Variants in ESR1 observed in about 807,000 individuals in gnomAD.
ESR1 encodes the protein estrogen receptor.
A neutral mutation model predicts 52.7 loss-of-function variants in ESR1; 12 were observed. That is an observed-to-expected ratio of 0.23 (90% CI 0.15 to 0.37). The LOEUF (loss-of-function observed/expected upper bound fraction) is 0.37, where lower values mean the gene tolerates loss of function less well. Among genes scored for constraint, ESR1 ranks in the 10% least tolerant of loss-of-function variants. ESR1 has a pLI of 1.00. For missense variants in ESR1, 584 were observed against 779.7 expected, an observed-to-expected ratio of 0.75 and a Z score of 2.99; for synonymous variants, 305 against 316.8, an observed-to-expected ratio of 0.96 and a Z score of 0.39.
chr6:151,994,839 A>G (rs984576141), intron 4 of ESR1, among the ~76,000 whole-genome samples: 5 of 152,222 alleles, frequency 3.3e-5, no homozygotes, highest in Non-Finnish European at 1.5e-5. Flanking sequence ...TCAAGCCTGT[A>G]CATTTGTGCT....
At chr6:151,826,366 G>A (rs1002424646) in intron 1 of ESR1, among the ~76,000 whole-genome samples, 3 of 152,136 alleles carry the variant, frequency 2.0e-5, no homozygotes, top group South Asian at 2.1e-4. Context: ...TTCTGATTCC[G>A]CTGTCTAGAC....
intron 1 of ESR1, among the ~76,000 whole-genome samples, chr6:151,829,716 G>A (rs775287686): frequency 5.3e-5 from 8 of 152,216 alleles, no homozygotes; most frequent in Non-Finnish European, 1.0e-4. Context: ...CACCATTGTA[G>A]CGCCAGATGG....
chr6:151,684,812 G>T (rs1778591632), intron 1 of ESR1, among the ~76,000 whole-genome samples: 1 of 152,200 alleles, frequency 6.6e-6, no homozygotes. Flanking sequence ...CCAGTGCTGG[G>T]GGGCCAAGGC....
intron 4 of ESR1, among the ~76,000 whole-genome samples, chr6:151,981,230 C>A (rs2039964278): frequency 6.6e-6 from 1 of 152,156 alleles, no homozygotes; most frequent in African/African-American, 2.4e-5. Context: ...TCTTTACCAC[C>A]TTGCTTTAAT....
At position 152,101,223 on chromosome 6, in the gene ESR1, A is replaced by T. The variant is rs1005748789; in HGVS notation, c.*2257A>T. Reference sequence around the variant, plus strand: ...TACTGAATGACAGACAATCTTATGTAGCAAAGATTATGCCTGAAAAGGAAA... The same window carrying T: ...TACTGAATGACAGACAATCTTATGTTGCAAAGATTATGCCTGAAAAGGAAA... On this transcript the variant is annotated 3_prime_UTR_variant, in exon 8 of 8. Coordinates refer to ENST00000206249, the MANE Select transcript of ESR1 (RefSeq NM_000125.4). 1 of 232,140 alleles carries T rather than the reference A, an allele frequency of 4.3e-6. No homozygotes were observed. Among genetic ancestry groups the T allele is most frequent in the Non-Finnish European group, 8.5e-6 (1 of 117,184 alleles). 14.4% of individuals were successfully genotyped at this position (232,140 alleles called of 1,614,324 possible). A position where few individuals can be genotyped will look rare whatever the true frequency, so the allele number is the denominator to read the frequency against.
chr6:151,897,706 A>G (rs1030637813), intron 3 of ESR1, among the ~76,000 whole-genome samples: 2 of 152,160 alleles, frequency 1.3e-5, no homozygotes, highest in African/African-American at 4.8e-5. Context: ...GATGTGAGGT[A>G]CTATTCTGTT....
chr6:151,879,007 G>A (rs1792330457), intron 2 of ESR1, among the ~76,000 whole-genome samples: 3 of 152,132 alleles, frequency 2.0e-5, no homozygotes. Flanking sequence ...TCTGCATTTG[G>A]TGATGATGGA....
At chr6:152,041,639 C>T (rs532456288) in intron 5 of ESR1, among the ~76,000 whole-genome samples, 1 of 152,354 alleles carries the variant, frequency 6.6e-6, no homozygotes, top group East Asian at 1.9e-4. Context: ...CTACTTCTTG[C>T]TCATTGGATC....
intron 4 of ESR1, among the ~76,000 whole-genome samples, chr6:151,971,639 C>T (rs2038922749): frequency 6.6e-6 from 1 of 152,112 alleles, no homozygotes; most frequent in Admixed American, 6.6e-5. Flanking sequence ...ACCAAAACCT[C>T]TGGGATACAG....
At chr6:151,712,215 G>A (rs1780667917) in intron 2 of ESR1, among the ~76,000 whole-genome samples, 1 of 151,992 alleles carries the variant, frequency 6.6e-6, no homozygotes, top group South Asian at 2.1e-4. Context: ...ATCTGTTTTG[G>A]TACCAGTACC....
chr6:151,844,665 G>A (rs900271725), intron 2 of ESR1, among the ~76,000 whole-genome samples: 32 of 152,126 alleles, frequency 2.1e-4, no homozygotes, highest in Admixed American at 1.5e-3. Context: ...GCCCGTGGCC[G>A]ATCCCTGATT....
intron 4 of ESR1, among the ~76,000 whole-genome samples, chr6:151,991,393 A>G (rs560417480): frequency 6.6e-6 from 1 of 152,172 alleles, no homozygotes; most frequent in East Asian, 1.9e-4. Flanking sequence ...ACTACAAAAA[A>G]CATTTATTAA....
At chr6:151,800,175 G>A (rs1392164773), upstream of ESR1, among the ~76,000 whole-genome samples, 1 of 152,150 alleles carries the variant, frequency 6.6e-6, no homozygotes, top group Non-Finnish European at 1.5e-5. Context: ...ATGTATATAT[G>A]AAAGTAAAAA....
At chr6:151,694,973 T>G (rs145775593) in intron 1 of ESR1, among the ~76,000 whole-genome samples, 2,913 of 152,168 alleles carry the variant, frequency 0.019, 48 homozygotes, top group Non-Finnish European at 0.03. Context: ...GAAGTGTGGG[T>G]GGGGAGTCTC....
intron 1 of ESR1, among the ~76,000 whole-genome samples, chr6:151,668,731 A>G (rs1227555079): frequency 1.3e-5 from 2 of 152,160 alleles, no homozygotes; most frequent in Non-Finnish European, 2.9e-5. Context: ...TTCAAACCAT[A>G]GAAGTGGGAT....
intron 2 of ESR1, among the ~76,000 whole-genome samples, chr6:151,872,953 A>G (rs770086394): frequency 2.6e-5 from 4 of 152,212 alleles, no homozygotes; most frequent in Non-Finnish European, 4.4e-5. Flanking sequence ...TGGTCTTAGT[A>G]AGTATTTGTC....
intron 2 of ESR1, among the ~76,000 whole-genome samples, chr6:151,733,151 A>G (rs1191236265): frequency 2.0e-5 from 3 of 152,258 alleles, no homozygotes; most frequent in Non-Finnish European, 4.4e-5. Context: ...GCAGTGAAAC[A>G]GGTGATTCTC....
chr6:151,793,572 T>A (rs939727070), intron 2 of ESR1, among the ~76,000 whole-genome samples: 1 of 152,238 alleles, frequency 6.6e-6, no homozygotes, highest in African/African-American at 2.4e-5. Flanking sequence ...ACAATAGGTT[T>A]GCTTACACCA....
At chr6:151,808,391 G>A in intron 1 of ESR1, 27 bp downstream of exon 1, 1 of 1,398,510 alleles carries the variant, frequency 7.2e-7, no homozygotes, top group Non-Finnish European at 9.2e-7. Flanking sequence ...CGCCCGTCGG[G>A]GTGGCCGCCG....
Sources: gnomAD v4.1 joint callset for allele counts (sites outside exome capture counted in the v4.1 genomes callset) on GRCh38, gnomAD v4.1.1 for gene constraint, MANE v1.5 for transcripts, NCBI Gene and HGNC (gene_info 2026-07-23, HGNC 2026-07-21) for gene names.